The following AGBL2 variants were observed in gnomAD, a reference collection of about 807,000 sequenced individuals.
AGBL2 encodes the protein AGBL carboxypeptidase 2.
Under a neutral mutation model 103.0 loss-of-function variants are expected in AGBL2, and 87 were observed. The observed-to-expected ratio is 0.84, with a 90% CI of 0.71 to 1.01. AGBL2 has a LOEUF of 1.01. Among genes scored for constraint, AGBL2 ranks in the 50% least tolerant of loss-of-function variants. The probability of loss-of-function intolerance (pLI) is 0.00; values close to 1 mark genes in which losing one functional copy is unlikely to be tolerated. For synonymous variants in AGBL2, 335 were observed against 356.7 expected, an observed-to-expected ratio of 0.94 and a Z score of 0.69; for missense variants, 904 against 1,023.5, an observed-to-expected ratio of 0.88 and a Z score of 1.59.
chr11:47,679,938 G>T, intron 13 of AGBL2, 35 bp downstream of exon 13: 1 of 1,357,092 alleles, frequency 7.4e-7, no homozygotes, highest in Non-Finnish European at 1.1e-6. Flanking sequence ...CACCATGCCT[G>T]GCCTTCATCA....
At chr11:47,675,862 C>T (rs1267011563) in intron 14 of AGBL2, among the ~76,000 whole-genome samples, 1 of 151,910 alleles carries the variant, frequency 6.6e-6, no homozygotes, top group Non-Finnish European at 1.5e-5. Flanking sequence ...AAAAATTAAC[C>T]GGGCATGATG....
At chr11:47,693,872 G>C (rs1430168681) in intron 8 of AGBL2, among the ~76,000 whole-genome samples, 1 of 152,094 alleles carries the variant, frequency 6.6e-6, no homozygotes, top group Non-Finnish European at 1.5e-5. Context: ...TGGTCAGCCA[G>C]TGACCAGACA....
rs1324928915 is a variant in AGBL2, at chr11:47,699,458, G to A, written c.682C>T (p.Gln228Ter). The change falls in exon 8 of 19, where the codon CAA becomes TAA. Residue 228 changes from glutamine (Q) to a stop codon, truncating the protein, a stop_gained. Transcript: ENST00000525123. LOFTEE classifies it high-confidence loss of function. ...GTAATGACAATACCTGAATCTAATTGATAGACAACTGTTCCTTTTTTCTCT... is the reference window on the plus strand; with the variant it reads ...GTAATGACAATACCTGAATCTAATTAATAGACAACTGTTCCTTTTTTCTCT... ...VGEKKGTVVY[Q>*]LDSVPIEGSY... is the part of the protein sequence containing the mutation. 1 of 1,555,190 alleles carries A rather than the reference G, an allele frequency of 6.4e-7. No individual in the cohort carries two copies. Among genetic ancestry groups the A allele is most frequent in the Admixed American group, 1.7e-5 (1 of 58,198 alleles).
At chr11:47,670,081 C>T (rs1386615178) in intron 14 of AGBL2, among the ~76,000 whole-genome samples, 1 of 152,216 alleles carries the variant, frequency 6.6e-6, no homozygotes, top group Non-Finnish European at 1.5e-5. Flanking sequence ...GGCAGAATTG[C>T]CCTTGGTGGA....
intron 3 of AGBL2, chr11:47,710,948 G>T (rs1218503528): frequency 7.3e-6 from 3 of 411,452 alleles, no homozygotes; most frequent in Non-Finnish European, 9.4e-6. Context: ...ATGGCCCAAA[G>T]GTTTGGCACT....
rs1250818147 is a variant in AGBL2 at position 47,691,742 on chromosome 11, A to ATATG, written c.848+360_848+361insCATA. Among the ~76,000 whole-genome samples, 5 of 99,844 alleles carry ATATG rather than the reference A, an allele frequency of 5.0e-5. 1 individual carries two copies. 65.5% of individuals were successfully genotyped at this position (99,844 alleles called of 152,430 possible). A position where few individuals can be genotyped will look rare whatever the true frequency, so the allele number is the denominator to read the frequency against. On this transcript the variant is annotated intron_variant, in intron 9 of 18. Coordinates refer to ENST00000525123, the MANE Select transcript of AGBL2 (RefSeq NM_024783.4). ...AAAAAAAAAAAAAATATATATATAT[A>ATATG]TATATATATATATAATTTGTGCATA...
chr11:47,677,518 A>G (rs2097380288), intron 13 of AGBL2, 117 bp from the exon 14 acceptor site: 2 of 567,014 alleles, frequency 3.5e-6, no homozygotes, highest in Non-Finnish European at 4.8e-6. Flanking sequence ...CAATGGCACT[A>G]TCTTGGCTCA....
chr11:47,674,930 C>T (rs1016728749), intron 14 of AGBL2, among the ~76,000 whole-genome samples: 1 of 151,990 alleles, frequency 6.6e-6, no homozygotes, highest in African/African-American at 2.4e-5. Flanking sequence ...GATGAGGTTT[C>T]TCCATGTTGG....
chr11:47,699,386 C>T, intron 8 of AGBL2, 60 bp downstream of exon 8: 1 of 950,948 alleles, frequency 1.1e-6, no homozygotes, highest in South Asian at 1.7e-5. Context: ...TATTATGGAA[C>T]ATATGTTTAT....
chr11:47,705,005 A>G (rs2097512571), intron 6 of AGBL2: 2 of 258,678 alleles, frequency 7.7e-6, no homozygotes, highest in Admixed American at 1.0e-4. Flanking sequence ...GGTCCAAGAC[A>G]TTTCAACAGT....
chr11:47,672,249 T>C (rs1477976529), intron 14 of AGBL2, among the ~76,000 whole-genome samples: 2 of 151,820 alleles, frequency 1.3e-5, no homozygotes, highest in Non-Finnish European at 2.9e-5. Flanking sequence ...TCATACCCGT[T>C]ATTACAGACA....
At chr11:47,670,830 C>CA (rs944369276) in intron 14 of AGBL2, among the ~76,000 whole-genome samples, 6 of 151,748 alleles carry the variant, frequency 4.0e-5, no homozygotes, top group Non-Finnish European at 8.8e-5. Flanking sequence ...CCTGTCTCTA[C>CA]AAAAAAATAC....
intron 2 of AGBL2, 40 bp downstream of exon 2, chr11:47,714,578 C>T (rs2135045402): frequency 6.2e-7 from 1 of 1,608,878 alleles, no homozygotes; most frequent in East Asian, 2.2e-5. Flanking sequence ...AATGGAGTTC[C>T]CCGAAGAAAT....
Position 47,699,469 on chromosome 11 carries a change from G to A in AGBL2, c.671C>T (p.Thr224Ile). Residue 224 changes from threonine (T) to isoleucine (I), a missense_variant, in exon 8 of 19, where the codon ACA becomes ATA. By Grantham distance (89) the Thr-to-Ile change is moderately conservative. Coordinates refer to ENST00000525123, the MANE Select transcript of AGBL2 (RefSeq NM_024783.4). The part of the protein sequence containing the change: ...VPEIVGEKKG[T>I]VVYQLDSVPI... ...ACCTGAATCTAATTGATAGACAACTGTTCCTTTTTTCTCTCCTACAATCTC... is the reference window on the plus strand; with the variant it reads ...ACCTGAATCTAATTGATAGACAACTATTCCTTTTTTCTCTCCTACAATCTC... 4.4e-6 allele frequency: 7 copies of A among 1,590,188 alleles called. No homozygotes were observed. The highest frequency in any genetic ancestry group is 2.3e-5 in the East Asian group (1 of 44,418).
At chr11:47,697,481 G>A (rs956487971) in intron 8 of AGBL2, among the ~76,000 whole-genome samples, 1 of 146,666 alleles carries the variant, frequency 6.8e-6, no homozygotes, top group Non-Finnish European at 1.5e-5. Flanking sequence ...CTTATGATCC[G>A]CCCACCTTGG....
At chr11:47,666,093 C>CA (rs916470158) in intron 17 of AGBL2, among the ~76,000 whole-genome samples, 20 of 151,506 alleles carry the variant, frequency 1.3e-4, no homozygotes, top group African/African-American at 4.1e-4. Flanking sequence ...TTTTTTTACA[C>CA]AAAAAAATCA....
intron 14 of AGBL2, among the ~76,000 whole-genome samples, chr11:47,673,391 C>G (rs180754825): frequency 6.6e-6 from 1 of 151,870 alleles, no homozygotes; most frequent in South Asian, 2.1e-4. Flanking sequence ...TTTGGGAGGC[C>G]GAGGTGGGCG....
rs2097508825 is a variant in AGBL2, at chr11:47,704,143, TA to T, written c.586+399del. 7.2e-5 allele frequency among the ~76,000 whole-genome samples: 11 copies of T among 151,862 alleles called. 1 individual carries two copies. The South Asian group carries it at 2.3e-3, about 32-fold the overall frequency. Reference sequence around the variant, plus strand: ...AATAAATGTTGACTCTGTCCTGCCTTATACTTAAGCACGTAGGACTTAACAT... The same window carrying T: ...AATAAATGTTGACTCTGTCCTGCCTTTACTTAAGCACGTAGGACTTAACAT... On this transcript the variant is annotated intron_variant, in intron 7 of 18. Transcript: ENST00000525123.
chr11:47,663,535 A>C (rs1209445178), intron 17 of AGBL2, among the ~76,000 whole-genome samples: 2 of 151,458 alleles, frequency 1.3e-5, no homozygotes, highest in Non-Finnish European at 2.9e-5. Context: ...AGTATTACAC[A>C]GTGAGGCCTC....
Sources: allele counts gnomAD v4.1 joint callset (sites outside exome capture counted in the v4.1 genomes callset), GRCh38; gene constraint gnomAD v4.1.1; transcripts MANE v1.5; gene names NCBI Gene and HGNC (gene_info 2026-07-23, HGNC 2026-07-21).